ADORA2B: variants seen among roughly 807,000 people sequenced by gnomAD.
ADORA2B encodes the protein adenosine A2b receptor, also known as adenosine receptor A2b.
Under a neutral mutation model 20.8 loss-of-function variants are expected in ADORA2B, and 18 were observed. The ratio of observed to expected loss-of-function variants is 0.87; its 90% confidence interval spans 0.60 to 1.29. ADORA2B has a LOEUF of 1.29. Among genes scored for constraint, ADORA2B ranks in the 50% most tolerant of loss-of-function variants. The pLI is 0.00. For missense variants in ADORA2B, 441 were observed against 422.7 expected (o/e 1.04, Z -0.38); for synonymous variants, 179 against 178.3 (o/e 1.00, Z -0.03).
chr17:15,952,584 T>C (rs924817807), intron 1 of ADORA2B, among the ~76,000 whole-genome samples: 3 of 152,118 alleles, frequency 2.0e-5, no homozygotes, highest in Admixed American at 6.5e-5. Flanking sequence ...TCCCTTCTAG[T>C]GGTGGATGAA....
At chr17:15,877,181 T>C in the ADORA2B span, among the ~76,000 whole-genome samples, 4 of 152,238 alleles carry the variant, frequency 2.6e-5, no homozygotes, top group Admixed American at 1.3e-4. Context: ...TATAGCATCC[T>C]GTTCTTGTTT....
At chr17:15,967,049 CAG>C (rs1040989301) in intron 1 of ADORA2B, among the ~76,000 whole-genome samples, 1 of 152,108 alleles carries the variant, frequency 6.6e-6, no homozygotes, top group Non-Finnish European at 1.5e-5. Flanking sequence ...GGGAGGGAGG[CAG>C]AGTCTGCAGC....
chr17:15,882,290 C>T, the ADORA2B span, among the ~76,000 whole-genome samples: 5 of 152,202 alleles, frequency 3.3e-5, no homozygotes, highest in South Asian at 8.3e-4. Context: ...CTAGGAAGAC[C>T]GGAAACTCAG....
chr17:15,950,499 T>C (rs1480409892), intron 1 of ADORA2B, among the ~76,000 whole-genome samples: 1 of 152,150 alleles, frequency 6.6e-6, no homozygotes, highest in Non-Finnish European at 1.5e-5. Context: ...TGCCACTGAA[T>C]TCTCCTGTCA....
At chr17:15,913,977 G>A in the ADORA2B span, among the ~76,000 whole-genome samples, 1 of 152,182 alleles carries the variant, frequency 6.6e-6, no homozygotes, top group Admixed American at 6.5e-5. Context: ...AAGGAACCTT[G>A]ACCACAGCAG....
intron 1 of ADORA2B, among the ~76,000 whole-genome samples, chr17:15,945,944 G>A (rs1969799911): frequency 6.6e-6 from 1 of 152,162 alleles, no homozygotes; most frequent in South Asian, 2.1e-4. Flanking sequence ...CGGGAGTTTT[G>A]GTGATCACAT....
intron 1 of ADORA2B, among the ~76,000 whole-genome samples, chr17:15,962,841 A>T (rs557194758): frequency 6.6e-6 from 1 of 152,300 alleles, no homozygotes; most frequent in South Asian, 2.1e-4. Flanking sequence ...TTGATGCCCA[A>T]ATTCAGCCAG....
At chr17:15,894,541 G>C in the ADORA2B span, among the ~76,000 whole-genome samples, 2 of 152,214 alleles carry the variant, frequency 1.3e-5, no homozygotes, top group African/African-American at 4.8e-5. Flanking sequence ...GGAGTCCAAG[G>C]GGGCAGGGCC....
the ADORA2B span, among the ~76,000 whole-genome samples, chr17:15,868,143 T>C: frequency 2.0e-4 from 29 of 142,280 alleles, no homozygotes; most frequent in African/African-American, 7.4e-4. Context: ...CGGTGCAAGA[T>C]GTGCTTTGTT....
At chr17:15,939,067 G>C in the ADORA2B span, among the ~76,000 whole-genome samples, 1 of 152,048 alleles carries the variant, frequency 6.6e-6, no homozygotes, top group Non-Finnish European at 1.5e-5. Context: ...TTGAGGCAGA[G>C]TCTCTCACCG....
intron 1 of ADORA2B, among the ~76,000 whole-genome samples, chr17:15,964,910 A>G (rs919195111): frequency 1.4e-4 from 22 of 151,882 alleles, no homozygotes; most frequent in African/African-American, 5.3e-4. Flanking sequence ...AAATACAAAA[A>G]ATTAGCCCGT....
At chr17:15,968,541 T>C (rs572938298) in intron 1 of ADORA2B, among the ~76,000 whole-genome samples, 14 of 152,278 alleles carry the variant, frequency 9.2e-5, no homozygotes, top group Middle Eastern at 3.4e-3. Flanking sequence ...GCCCCTTCCT[T>C]CAAGTCTTCA....
the ADORA2B span, among the ~76,000 whole-genome samples, chr17:15,888,846 A>ATG: frequency 6.2e-5 from 1 of 16,228 alleles, no homozygotes; most frequent in Non-Finnish European, 9.4e-5. Flanking sequence ...ATATATATAT[A>ATG]TATATTTTTT....
At chr17:15,937,571 T>C in the ADORA2B span, among the ~76,000 whole-genome samples, 2 of 151,670 alleles carry the variant, frequency 1.3e-5, no homozygotes, top group African/African-American at 4.8e-5. Context: ...TCTTTTTTCC[T>C]TTTCTTTTCT....
rs77828570 is a variant in ADORA2B, at chr17:15,959,005, G to C, written c.335+13422G>C. 6.4e-3 allele frequency among the ~76,000 whole-genome samples: 980 copies of C among 152,272 alleles called. 13 individuals carry two copies. Among genetic ancestry groups the C allele is most frequent in the African/African-American group, 0.023 (949 of 41,554 alleles). On this transcript the variant is annotated intron_variant, in intron 1 of 1. Transcript: ENST00000304222. ...CAAATGTATGAACATGTGTCTCTGT[G>C]TGTGTATAATCGGGGGTGGGATTAG...
chr17:15,875,670 A>G, the ADORA2B span, among the ~76,000 whole-genome samples: 1 of 151,492 alleles, frequency 6.6e-6, no homozygotes, highest in Non-Finnish European at 1.5e-5. Flanking sequence ...GCATCCTCCT[A>G]CTCCTGGGTT....
At chr17:15,894,596 G>A in the ADORA2B span, among the ~76,000 whole-genome samples, 1 of 152,218 alleles carries the variant, frequency 6.6e-6, no homozygotes, top group African/African-American at 2.4e-5. Context: ...CAGTAACCAC[G>A]AGAGTGGTAG....
chr17:15,974,634 A>G, intron 1 of ADORA2B, 45 bp from the exon 2 acceptor site: 1 of 1,527,962 alleles, frequency 6.5e-7, no homozygotes, highest in Non-Finnish European at 8.9e-7. Flanking sequence ...TTGTGGTTGC[A>G]GAGCGCTATA....
chr17:15,943,547 G>A (rs1216808644), upstream of ADORA2B, among the ~76,000 whole-genome samples: 3 of 152,186 alleles, frequency 2.0e-5, no homozygotes, highest in South Asian at 4.1e-4. Context: ...TGGCCAGGCT[G>A]GTCTTGAACT....
Sources: allele counts gnomAD v4.1 joint callset (sites outside exome capture counted in the v4.1 genomes callset), GRCh38; gene constraint gnomAD v4.1.1; transcripts MANE v1.5; gene names NCBI Gene and HGNC (gene_info 2026-07-23, HGNC 2026-07-21).